Variants in DYNC2I1 observed in about 807,000 individuals in gnomAD.
DYNC2I1 encodes dynein 2 intermediate chain 1.
Under a neutral mutation model 133.4 loss-of-function variants are expected in DYNC2I1, and 89 were observed. The ratio of observed to expected loss-of-function variants is 0.67; its 90% CI spans 0.56 to 0.80. The LOEUF is 0.80. DYNC2I1 is among the 30% of genes least tolerant of loss of function. The pLI is 0.00. For synonymous variants in DYNC2I1, 504 were observed against 484.3 expected, an observed-to-expected ratio of 1.04 and a Z score of -0.54; for missense variants, 1,291 against 1,314.5, an observed-to-expected ratio of 0.98 and a Z score of 0.28.
intron 4 of DYNC2I1, among the ~76,000 whole-genome samples, chr7:158,953,647 G>A (rs539488489): frequency 6.6e-5 from 10 of 152,280 alleles, no homozygotes; most frequent in Admixed American, 2.0e-4. Context: ...TACTCAAGAC[G>A]GCTGAGGTAG....
At chr7:158,926,113 G>A (rs539775788) in intron 17 of DYNC2I1, 74 bp from the exon 18 acceptor site, 64 of 1,181,548 alleles carry the variant, frequency 5.4e-5, no homozygotes, top group Non-Finnish European at 7.8e-5. Context: ...CCTCGTGTTT[G>A]TCCCTGTGTG....
intron 10 of DYNC2I1, among the ~76,000 whole-genome samples, chr7:158,905,624 G>A (rs1034883201): frequency 4.3e-4 from 66 of 152,228 alleles, no homozygotes; most frequent in African/African-American, 1.6e-3. Flanking sequence ...CTGTTTTTTA[G>A]CAATTTTGTA....
At chr7:158,927,963 A>G (rs1849788017) in intron 20 of DYNC2I1, among the ~76,000 whole-genome samples, 1 of 152,060 alleles carries the variant, frequency 6.6e-6, no homozygotes, top group African/African-American at 2.4e-5. Context: ...TTCCCTATGT[A>G]TTTCAGGTGT....
chr7:158,855,687 G>C (rs536708562), upstream of DYNC2I1, among the ~76,000 whole-genome samples: 8 of 152,262 alleles, frequency 5.3e-5, no homozygotes, highest in African/African-American at 1.7e-4. Flanking sequence ...AGATGCTGTG[G>C]GTTAAGTTAC....
intron 20 of DYNC2I1, among the ~76,000 whole-genome samples, chr7:158,928,189 G>A (rs1453431216): frequency 1.3e-5 from 2 of 152,172 alleles, no homozygotes; most frequent in African/African-American, 4.8e-5. Context: ...TATGGAGTAC[G>A]ATTTTCAGTT....
At chr7:158,931,817 GT>G (rs1563194845) in intron 21 of DYNC2I1, among the ~76,000 whole-genome samples, 1 of 152,230 alleles carries the variant, frequency 6.6e-6, no homozygotes, top group Non-Finnish European at 1.5e-5. Flanking sequence ...AGCATCCTCC[GT>G]CAAGGTGCTC....
At chr7:158,839,328 C>G in the DYNC2I1 span, among the ~76,000 whole-genome samples, 8 of 144,714 alleles carry the variant, frequency 5.5e-5, no homozygotes, top group Non-Finnish European at 8.9e-5. Context: ...CTCCGTAACA[C>G]CTGACTGCAA....
chr7:158,846,479 G>T, the DYNC2I1 span, among the ~76,000 whole-genome samples: 18 of 152,098 alleles, frequency 1.2e-4, 2 homozygotes, highest in South Asian at 3.7e-3. Flanking sequence ...AGCATGTTGG[G>T]AATTGTCTAT....
intron 1 of DYNC2I1, among the ~76,000 whole-genome samples, chr7:158,866,146 C>T (rs1224320975): frequency 1.3e-5 from 2 of 152,198 alleles, no homozygotes; most frequent in African/African-American, 2.4e-5. Context: ...GACATACTTA[C>T]TTTTCACATT....
downstream of DYNC2I1, among the ~76,000 whole-genome samples, chr7:158,957,261 C>G (rs935720586): frequency 1.3e-5 from 2 of 152,240 alleles, no homozygotes; most frequent in Non-Finnish European, 2.9e-5. Flanking sequence ...GCCTTCCTTT[C>G]CGGATTCCAA....
At chr7:158,875,363 G>T (rs1299588141) in intron 3 of DYNC2I1, among the ~76,000 whole-genome samples, 1 of 152,106 alleles carries the variant, frequency 6.6e-6, no homozygotes, top group African/African-American at 2.4e-5. Context: ...AAAGTGCTGG[G>T]ATTACAAGTG....
At chr7:158,900,834 C>T (rs1416052855) in intron 8 of DYNC2I1, among the ~76,000 whole-genome samples, 1 of 148,992 alleles carries the variant, frequency 6.7e-6, no homozygotes, top group Admixed American at 6.8e-5. Flanking sequence ...TTCTTCAGCT[C>T]TGTCCAGTTT....
chr7:158,923,485 C>T (rs565081058), intron 16 of DYNC2I1, 86 bp from the exon 17 acceptor site: 2 of 1,589,604 alleles, frequency 1.3e-6, no homozygotes, highest in African/African-American at 1.3e-5. Flanking sequence ...GAAACATGGT[C>T]AGACACCCCA....
the DYNC2I1 span, among the ~76,000 whole-genome samples, chr7:158,841,816 G>T: frequency 6.6e-6 from 1 of 152,210 alleles, no homozygotes; most frequent in East Asian, 1.9e-4. Flanking sequence ...ATGAGGGAGT[G>T]CCGCAGAAGT....
downstream of DYNC2I1, among the ~76,000 whole-genome samples, chr7:158,949,867 G>T (rs949946186): frequency 3.3e-5 from 5 of 151,942 alleles, no homozygotes; most frequent in African/African-American, 1.2e-4. Context: ...CGCCTCCCAG[G>T]TTCAAGCGAT....
intron 1 of DYNC2I1, among the ~76,000 whole-genome samples, chr7:158,860,603 C>G (rs936044201): frequency 6.6e-6 from 1 of 152,090 alleles, no homozygotes; most frequent in Non-Finnish European, 1.5e-5. Flanking sequence ...TTTAATTTAT[C>G]TTGTTTACAA....
chr7:158,920,075 A>ACCACAGCG (rs1848876727), intron 15 of DYNC2I1, among the ~76,000 whole-genome samples: 6 of 149,442 alleles, frequency 4.0e-5, no homozygotes, highest in African/African-American at 1.5e-4. Context: ...GTGTGTGTGT[A>ACCACAGCG]TGGCAGCGCC....
chr7:158,913,127 G>A (rs746344299), intron 13 of DYNC2I1, 31 bp downstream of exon 13: 18 of 1,476,762 alleles, frequency 1.2e-5, no homozygotes, highest in Non-Finnish European at 1.7e-5. Flanking sequence ...GTTGACCATT[G>A]ACTCTCTTTA....
In DYNC2I1 at chr7:158,894,291, T is replaced by C. The variant is rs1481479078; in HGVS notation, c.1059+2958T>C. ...ATATCCTACCACATGTCCTACTGCATATCATACTGCATGTCACTAGTCCAG... is the reference window on the plus strand; with the variant it reads ...ATATCCTACCACATGTCCTACTGCACATCATACTGCATGTCACTAGTCCAG... On this transcript the variant is annotated intron_variant, in intron 8 of 24. Coordinates refer to ENST00000407559, the MANE Select transcript of DYNC2I1 (RefSeq NM_018051.5). 2.0e-5 allele frequency among the ~76,000 whole-genome samples: 3 copies of C among 152,192 alleles called. No individual in the cohort carries two copies. The East Asian group carries it at 5.8e-4, about 29-fold the overall frequency.
Sources: gnomAD v4.1 joint callset for allele counts (sites outside exome capture counted in the v4.1 genomes callset) on GRCh38, gnomAD v4.1.1 for gene constraint, MANE v1.5 for transcripts, NCBI Gene and HGNC (gene_info 2026-07-23, HGNC 2026-07-21) for gene names.